The following WNT9B variants were observed in gnomAD, a reference collection of about 807,000 sequenced individuals.
The protein encoded by WNT9B is protein Wnt-9b.
In WNT9B, 12 loss-of-function variants were observed where a neutral mutation model predicts 30.2. The ratio of observed to expected loss-of-function variants is 0.40; its 90% CI spans 0.26 to 0.64. WNT9B has a LOEUF of 0.64. Ranked by LOEUF, WNT9B falls within the 30% of genes least tolerant of loss-of-function variation. The pLI is 0.42. For missense variants in WNT9B, 442 were observed against 485.2 expected, an observed-to-expected ratio of 0.91 and a Z score of 0.84; for synonymous variants, 218 against 216.9, an observed-to-expected ratio of 1.01 and a Z score of -0.05.
chr17:46,876,385 G>A lies in WNT9B; in HGVS notation c.741G>A (p.Lys247=). 1.9e-6 allele frequency: 3 copies of A among 1,613,948 alleles called. No individual in the cohort carries two copies. Among genetic ancestry groups the A allele is most frequent in the Non-Finnish European group, 2.5e-6 (3 of 1,180,050 alleles). The change falls in exon 4 of 4, where the codon AAG becomes AAA. Residue 247 remains lysine (K), a synonymous_variant. Transcript: ENST00000290015. The part of the protein sequence containing the change: ...VLKLRYDSAV[K]VSSATNEALG... ...AACTGCGCTATGACTCGGCTGTCAA[G>A]GTGTCCAGTGCCACCAATGAGGCCT...
intron 1 of WNT9B, among the ~76,000 whole-genome samples, chr17:46,859,778 C>G (rs1483103483): frequency 6.6e-6 from 1 of 152,116 alleles, no homozygotes; most frequent in Non-Finnish European, 1.5e-5. Flanking sequence ...TACATCAGTT[C>G]ATGGAAGATT....
Position 46,851,756 on chromosome 17 carries a change from C to T in WNT9B, c.77+41C>T. On this transcript the variant is annotated intron_variant, in intron 1 of 3. Transcript: ENST00000290015. The surrounding 1 kb of genome is among the most constrained non-coding windows in gnomAD (Gnocchi z 4.3). ...GCCCCCCGCCCGCTCCCCGGCCTGCCTGTCTCTCCCTCCTGCGCTACAGCT... is the reference window on the plus strand; with the variant it reads ...GCCCCCCGCCCGCTCCCCGGCCTGCTTGTCTCTCCCTCCTGCGCTACAGCT... 9.5e-7 allele frequency: 1 copy of T among 1,055,876 alleles called. No homozygotes were observed. The highest frequency in any genetic ancestry group is 1.2e-6 in the Non-Finnish European group (1 of 818,178). 65.4% of individuals were successfully genotyped at this position (1,055,876 alleles called of 1,614,324 possible).
At chr17:46,859,327 G>A (rs932252079) in intron 1 of WNT9B, among the ~76,000 whole-genome samples, 1 of 152,194 alleles carries the variant, frequency 6.6e-6, no homozygotes, top group Non-Finnish European at 1.5e-5. Flanking sequence ...TAACTAGTGT[G>A]TACAGCATGG....
At chr17:46,868,979 T>G (rs2085190688) in intron 1 of WNT9B, among the ~76,000 whole-genome samples, 1 of 152,234 alleles carries the variant, frequency 6.6e-6, no homozygotes, top group African/African-American at 2.4e-5. Context: ...ATGGTACTAT[T>G]TCTTCAAAGG....
At chr17:46,850,850 GCT>G (rs548788542), upstream of WNT9B, among the ~76,000 whole-genome samples, 95 of 151,864 alleles carry the variant, frequency 6.3e-4, no homozygotes, top group African/African-American at 2.2e-3. Context: ...CTCCCGCAGG[GCT>G]CTGTCTGCCC....
At chr17:46,837,123 A>G (rs1207287882) in intron 1 of WNT9B, among the ~76,000 whole-genome samples, 1 of 152,004 alleles carries the variant, frequency 6.6e-6, no homozygotes, top group Admixed American at 6.6e-5. Flanking sequence ...TTGTATTTTT[A>G]GTAGAGATGG....
chr17:46,873,914 G>A (rs562372525), intron 2 of WNT9B, among the ~76,000 whole-genome samples: 7 of 151,768 alleles, frequency 4.6e-5, no homozygotes, highest in African/African-American at 1.7e-4. Flanking sequence ...GCTTGAACCC[G>A]GGAGGTGGAG....
intron 1 of WNT9B, among the ~76,000 whole-genome samples, chr17:46,869,298 G>T (rs1346408046): frequency 6.6e-6 from 1 of 152,168 alleles, no homozygotes; most frequent in Non-Finnish European, 1.5e-5. Flanking sequence ...ATGCCTCTGG[G>T]GTGGGGCCTG....
In WNT9B at chr17:46,845,453, G is replaced by A. The variant is rs535952923; in HGVS notation, c.95+12013G>A. The stretch of plus-strand genomic sequence containing the variant: ...ATATGTCACCTGACATACATGAGTC[G>A]ACTTACAGGGACAATGGAGTGAGTT... On this transcript the variant is annotated intron_variant, in intron 1 of 2. Coordinates refer to the WNT9B transcript ENST00000575372. Among the ~76,000 whole-genome samples the A allele has an allele frequency of 4.6e-5, 7 of 150,862 alleles. No homozygotes were observed. In the South Asian group the frequency reaches 1.5e-3, roughly 32 times the overall value.
intron 1 of WNT9B, among the ~76,000 whole-genome samples, chr17:46,852,828 G>A (rs111474394): frequency 0.017 from 2,584 of 152,226 alleles, 88 homozygotes; most frequent in African/African-American, 0.059. Context: ...AAGTAGCCAG[G>A]GAGAGGTATG....
At chr17:46,881,368 C>T (rs1396118985), downstream of WNT9B, among the ~76,000 whole-genome samples, 1 of 152,234 alleles carries the variant, frequency 6.6e-6, no homozygotes, top group Non-Finnish European at 1.5e-5. Context: ...ACAGACACGT[C>T]CACATGCAGC....
chr17:46,863,723 G>A (rs2085082611), intron 1 of WNT9B, among the ~76,000 whole-genome samples: 1 of 152,188 alleles, frequency 6.6e-6, no homozygotes, highest in African/African-American at 2.4e-5. Context: ...GGGTCGGACC[G>A]AGTTAGACAT....
At chr17:46,863,531 G>A (rs768140183) in intron 1 of WNT9B, among the ~76,000 whole-genome samples, 1 of 152,190 alleles carries the variant, frequency 6.6e-6, no homozygotes, top group African/African-American at 2.4e-5. Context: ...AAAGAAAGAG[G>A]ATGGTTAGAG....
chr17:46,881,375 C>G (rs2085420388), downstream of WNT9B, among the ~76,000 whole-genome samples: 1 of 152,246 alleles, frequency 6.6e-6, no homozygotes, highest in African/African-American at 2.4e-5. Context: ...CGTCCACATG[C>G]AGCAGCAGGC....
At chr17:46,857,250 C>T (rs2084953404) in intron 1 of WNT9B, among the ~76,000 whole-genome samples, 1 of 152,040 alleles carries the variant, frequency 6.6e-6, no homozygotes, top group Non-Finnish European at 1.5e-5. Context: ...GGGCAGATCA[C>T]TTGAGGTCTG....
chr17:46,836,134 GTC>G (rs1555692745), intron 1 of WNT9B, among the ~76,000 whole-genome samples: 1 of 149,644 alleles, frequency 6.7e-6, no homozygotes, highest in African/African-American at 2.5e-5. Flanking sequence ...GTGTGTGTGT[GTC>G]TCGGTTGTGG....
intron 2 of WNT9B, among the ~76,000 whole-genome samples, chr17:46,873,523 C>CT (rs917597166): frequency 2.6e-5 from 4 of 152,182 alleles, no homozygotes; most frequent in African/African-American, 9.7e-5. Flanking sequence ...GTGGGTCTCC[C>CT]TGTCAATTGC....
chr17:46,881,454 T>C (rs1385450682), downstream of WNT9B, among the ~76,000 whole-genome samples: 2 of 152,210 alleles, frequency 1.3e-5, no homozygotes, highest in African/African-American at 4.8e-5. Flanking sequence ...CCCTTCTTCT[T>C]TTTTTACAGA....
chr17:46,841,222 G>A (rs2084709421), intron 1 of WNT9B, among the ~76,000 whole-genome samples: 2 of 152,216 alleles, frequency 1.3e-5, no homozygotes, highest in Non-Finnish European at 2.9e-5. Context: ...CCAGCCCAAA[G>A]AGCAGCTTTC....
Sources: allele counts gnomAD v4.1 joint callset (sites outside exome capture counted in the v4.1 genomes callset), GRCh38; gene constraint gnomAD v4.1.1; non-coding constraint Gnocchi (gnomAD v3.1); transcripts MANE v1.5; gene names NCBI Gene and HGNC (gene_info 2026-07-23, HGNC 2026-07-21).